Variants in DAB1 observed in about 807,000 individuals in gnomAD.
The protein encoded by DAB1 is DAB adaptor protein 1, also known as disabled homolog 1.
A neutral mutation model predicts 64.6 loss-of-function variants in DAB1; 15 were observed. The observed-to-expected ratio is 0.23, with a 90% CI of 0.16 to 0.36. The LOEUF (loss-of-function observed/expected upper bound fraction) is 0.36, where lower values mean the gene tolerates loss of function less well. DAB1 is among the 10% of genes least tolerant of loss of function. DAB1 has a pLI of 1.00. For missense variants in DAB1, 596 were observed against 706.7 expected (o/e 0.84, Z 1.78); for synonymous variants, 235 against 251.9 (o/e 0.93, Z 0.64).
chr1:57,207,860 A>C (rs1391465990), intron 2 of DAB1, among the ~76,000 whole-genome samples: 1 of 152,158 alleles, frequency 6.6e-6, no homozygotes, highest in Non-Finnish European at 1.5e-5. Context: ...GATTTTTATA[A>C]GTTTAATAAA....
chr1:57,638,841 G>A (rs1646091805), intron 7 of DAB1, among the ~76,000 whole-genome samples: 1 of 152,046 alleles, frequency 6.6e-6, no homozygotes, highest in Non-Finnish European at 1.5e-5. Context: ...AAATACAAGG[G>A]TGTGAGTGTT....
chr1:57,725,750 T>G (rs976174263), intron 6 of DAB1, among the ~76,000 whole-genome samples: 1 of 150,520 alleles, frequency 6.6e-6, no homozygotes, highest in Non-Finnish European at 1.5e-5. Context: ...TAACTGTTCT[T>G]TTCTTTTCTT....
Position 58,092,118 on chromosome 1 carries a change from C to T in DAB1, n.387+58393G>A, listed in dbSNP as rs566657863. Among the ~76,000 whole-genome samples the T allele has an allele frequency of 9.2e-5, 14 of 152,000 alleles. No homozygotes were observed. In the South Asian group the frequency reaches 2.3e-3, roughly 25 times the overall value. ...TTGGGTGGCGCAGGCGGGTGGATCA[C>T]GAGGTCAGGAGTTCAAGACCAGCTT... On this transcript the variant is annotated intron_variant and non_coding_transcript_variant, in intron 5 of 20. Transcript: ENST00000485760.
chr1:57,553,720 T>C (rs936419613), intron 7 of DAB1, among the ~76,000 whole-genome samples: 1 of 151,736 alleles, frequency 6.6e-6, no homozygotes, highest in Non-Finnish European at 1.5e-5. Flanking sequence ...ATAGGAGCGA[T>C]GAGCCTAGAG....
chr1:57,776,546 T>C (rs940482834), intron 6 of DAB1, among the ~76,000 whole-genome samples: 10 of 151,848 alleles, frequency 6.6e-5, no homozygotes, highest in Admixed American at 6.6e-4. Flanking sequence ...ATTAAGTATT[T>C]TTCTGTATTC....
intron 1 of DAB1, among the ~76,000 whole-genome samples, chr1:57,833,779 G>C (rs535779035): frequency 9.2e-4 from 140 of 152,256 alleles, no homozygotes; most frequent in African/African-American, 3.2e-3. Flanking sequence ...TGGCATGGAT[G>C]ACAAAAAGTC....
intron 7 of DAB1, among the ~76,000 whole-genome samples, chr1:57,588,889 C>G (rs1645410660): frequency 6.6e-6 from 1 of 152,184 alleles, no homozygotes; most frequent in African/African-American, 2.4e-5. Context: ...GGGAAGATAA[C>G]TACCTTATAT....
chr1:57,855,401 G>A (rs1653708703), intron 1 of DAB1, among the ~76,000 whole-genome samples: 1 of 152,104 alleles, frequency 6.6e-6, no homozygotes, highest in African/African-American at 2.4e-5. Flanking sequence ...GGCATTCTAG[G>A]TAAGGATCAT....
At chr1:57,447,150 C>T (rs1361812763) in intron 7 of DAB1, among the ~76,000 whole-genome samples, 1 of 152,162 alleles carries the variant, frequency 6.6e-6, no homozygotes, top group Non-Finnish European at 1.5e-5. Context: ...AAATAATGCC[C>T]TGAGTCCTAT....
chr1:57,476,241 C>A (rs1312534249), intron 7 of DAB1, among the ~76,000 whole-genome samples: 47 of 143,828 alleles, frequency 3.3e-4, no homozygotes, highest in African/African-American at 5.9e-4. Context: ...AAAAAAAAAA[C>A]AAAAAACAAA....
At chr1:58,180,281 CTTT>C (rs869204611) in intron 4 of DAB1, among the ~76,000 whole-genome samples, 1 of 61,000 alleles carries the variant, frequency 1.6e-5, no homozygotes, top group Non-Finnish European at 2.9e-5. Flanking sequence ...TTTTTCTTTT[CTTT>C]TTTTTTTTTT....
At chr1:57,387,070 A>T (rs1466482557) in intron 1 of DAB1, 2 of 152,102 alleles carry the variant, frequency 1.3e-5, no homozygotes, top group African/African-American at 4.8e-5. Context: ...CTCCACTTTG[A>T]GGTTAACAGT....
chr1:58,173,030 G>A (rs1045857863), intron 4 of DAB1, among the ~76,000 whole-genome samples: 1 of 152,224 alleles, frequency 6.6e-6, no homozygotes, highest in African/African-American at 2.4e-5. Context: ...CATCAGAAAG[G>A]TGAAGGAGAA....
At chr1:58,248,899 G>C (rs900156905) in intron 4 of DAB1, among the ~76,000 whole-genome samples, 4 of 152,136 alleles carry the variant, frequency 2.6e-5, no homozygotes, top group African/African-American at 7.2e-5. Context: ...ACGATCAGGG[G>C]AATTGTGCAT....
chr1:57,074,040 C>T (rs933206248), intron 4 of DAB1, among the ~76,000 whole-genome samples: 2 of 152,094 alleles, frequency 1.3e-5, no homozygotes, highest in African/African-American at 4.8e-5. Context: ...CCAGAGCCGG[C>T]TCATTTTTTT....
intron 4 of DAB1, among the ~76,000 whole-genome samples, chr1:58,232,352 G>A (rs1485515147): frequency 2.0e-5 from 3 of 152,138 alleles, no homozygotes; most frequent in Non-Finnish European, 4.4e-5. Context: ...ATGGGAAATA[G>A]TGCCCTACAT....
chr1:57,429,320 G>A (rs777517257), intron 7 of DAB1, among the ~76,000 whole-genome samples: 14 of 152,166 alleles, frequency 9.2e-5, no homozygotes, highest in East Asian at 1.9e-4. Context: ...TCCTTTGCCC[G>A]TTTTAAAAAT....
At chr1:58,279,935 G>A (rs996519844) in intron 4 of DAB1, among the ~76,000 whole-genome samples, 1 of 152,080 alleles carries the variant, frequency 6.6e-6, no homozygotes, top group Admixed American at 6.5e-5. Context: ...CGAGTGTTTG[G>A]AATTGGACTC....
chr1:57,109,159 G>A (rs145649123), intron 4 of DAB1, among the ~76,000 whole-genome samples: 111 of 152,246 alleles, frequency 7.3e-4, no homozygotes, highest in African/African-American at 2.6e-3. Flanking sequence ...CTTCTAGGGG[G>A]CCTCTTTGGA....
Sources: gnomAD v4.1 joint callset for allele counts (sites outside exome capture counted in the v4.1 genomes callset) on GRCh38, gnomAD v4.1.1 for gene constraint, MANE v1.5 for transcripts, NCBI Gene and HGNC (gene_info 2026-07-23, HGNC 2026-07-21) for gene names.